The following DTD1 variants were observed in gnomAD, a reference collection of about 807,000 sequenced individuals.
The protein encoded by DTD1 is D-aminoacyl-tRNA deacylase 1.
In DTD1, 13 loss-of-function variants were observed where a neutral mutation model predicts 25.6. The ratio of observed to expected loss-of-function variants is 0.51; its 90% confidence interval spans 0.33 to 0.81. DTD1 has a LOEUF of 0.81. Among genes scored for constraint, DTD1 ranks in the 30% least tolerant of loss-of-function variants. DTD1 has a pLI of 0.02. For synonymous variants in DTD1, 110 were observed against 103.6 expected (o/e 1.06, Z -0.37); for missense variants, 193 against 266.4 (o/e 0.72, Z 1.92).
intron 4 of DTD1, among the ~76,000 whole-genome samples, chr20:18,701,977 T>C (rs1225987158): frequency 6.6e-6 from 1 of 152,254 alleles, no homozygotes; most frequent in Non-Finnish European, 1.5e-5. Context: ...GTGCGATGCC[T>C]GAGGTCCATT....
intron 5 of DTD1, among the ~76,000 whole-genome samples, chr20:18,757,817 T>C (rs1030403363): frequency 6.6e-6 from 1 of 152,248 alleles, no homozygotes; most frequent in African/African-American, 2.4e-5. Context: ...CCTCTTTTTC[T>C]ATTGATTGGA....
chr20:18,662,333 C>A (rs1600350733), intron 4 of DTD1, among the ~76,000 whole-genome samples: 1 of 152,244 alleles, frequency 6.6e-6, no homozygotes, highest in East Asian at 1.9e-4. Context: ...TACAGCCAGG[C>A]TGGTCTTGAA....
At chr20:18,615,786 C>T (rs2060706713) in intron 3 of DTD1, among the ~76,000 whole-genome samples, 1 of 152,158 alleles carries the variant, frequency 6.6e-6, no homozygotes, top group African/African-American at 2.4e-5. Flanking sequence ...GAAATGTGGA[C>T]AGACACGTCA....
At chr20:18,589,098 C>T (rs1204904059) in intron 1 of DTD1, among the ~76,000 whole-genome samples, 2 of 152,168 alleles carry the variant, frequency 1.3e-5, no homozygotes, top group South Asian at 2.1e-4. Context: ...CACCTGTAAT[C>T]CCAGCTCTTT....
chr20:18,695,184 G>A lies in DTD1; in HGVS notation c.478-48916G>A, dbSNP rs1443955465. ...TTTCCCTTGTGCAAGTGTCAGCAACGATTCACACATAGAGCTGGAGTGGGC... is the reference window on the plus strand; with the variant it reads ...TTTCCCTTGTGCAAGTGTCAGCAACAATTCACACATAGAGCTGGAGTGGGC... On this transcript the variant is annotated intron_variant, in intron 4 of 5. Coordinates refer to ENST00000377452, the MANE Select transcript of DTD1 (RefSeq NM_080820.6). Among the ~76,000 whole-genome samples the A allele has an allele frequency of 2.0e-5, 3 of 152,134 alleles. No individual in the cohort carries two copies. The South Asian group carries it at 6.2e-4, about 32-fold the overall frequency.
At chr20:18,615,575 G>A (rs1291176292) in intron 3 of DTD1, among the ~76,000 whole-genome samples, 10 of 152,154 alleles carry the variant, frequency 6.6e-5, no homozygotes, top group Admixed American at 6.6e-4. Flanking sequence ...AAAAAAACAA[G>A]TTATACCAAA....
At chr20:18,620,780 G>T (rs1338402173) in intron 3 of DTD1, among the ~76,000 whole-genome samples, 5 of 151,848 alleles carry the variant, frequency 3.3e-5, no homozygotes, top group Non-Finnish European at 7.4e-5. Context: ...TTTTTAAGAG[G>T]TAGAATATTG....
At chr20:18,649,615 T>C (rs996699732) in intron 4 of DTD1, among the ~76,000 whole-genome samples, 1 of 152,228 alleles carries the variant, frequency 6.6e-6, no homozygotes, top group South Asian at 2.1e-4. Flanking sequence ...TCATCTTTCT[T>C]AGAACACCAT....
chr20:18,596,325 C>G (rs533829805), intron 3 of DTD1, 84 bp downstream of exon 3: 13 of 1,143,786 alleles, frequency 1.1e-5, no homozygotes, highest in Non-Finnish European at 1.6e-5. Context: ...TGCAGCATCT[C>G]CTTTTCTGGA....
intron 1 of DTD1, chr20:18,588,603 A>G (rs1162268618): frequency 2.8e-6 from 1 of 358,262 alleles, no homozygotes; most frequent in Admixed American, 6.5e-5. Flanking sequence ...ACAGATGCGG[A>G]GAGTTGCTCC....
intron 3 of DTD1, among the ~76,000 whole-genome samples, chr20:18,614,364 C>T (rs918112969): frequency 6.6e-6 from 1 of 152,182 alleles, no homozygotes; most frequent in Non-Finnish European, 1.5e-5. Flanking sequence ...AAAATGCACT[C>T]CTCTTTGCAT....
intron 4 of DTD1, among the ~76,000 whole-genome samples, chr20:18,704,565 G>C (rs1270767584): frequency 6.6e-6 from 1 of 152,144 alleles, no homozygotes; most frequent in Non-Finnish European, 1.5e-5. Flanking sequence ...TGTTGTCACT[G>C]TTGTTTTTAA....
intron 4 of DTD1, among the ~76,000 whole-genome samples, chr20:18,708,223 A>AG (rs1568676609): frequency 1.2e-3 from 8 of 6,606 alleles, no homozygotes; most frequent in African/African-American, 2.8e-3. Context: ...TATATAATAT[A>AG]TATATATTTT....
chr20:18,676,323 T>C (rs746008169), intron 4 of DTD1, among the ~76,000 whole-genome samples: 1 of 152,200 alleles, frequency 6.6e-6, no homozygotes, highest in Non-Finnish European at 1.5e-5. Context: ...TCATTGTGAA[T>C]GTTTGCCAAT....
Position 18,667,974 on chromosome 20 carries a change from G to A in DTD1, c.477+39741G>A, listed in dbSNP as rs186169631. ...TGCTTATACGTGCGAAGGTGCCCAG[G>A]GCAGTCGTTAAACTGTCTGCACATG... On this transcript the variant is annotated intron_variant, in intron 4 of 5. Transcript: ENST00000377452. Among the ~76,000 whole-genome samples the A allele has an allele frequency of 1.1e-3, 161 of 152,274 alleles. 4 individuals carry two copies. The East Asian group carries it at 0.022, about 21-fold the overall frequency.
At chr20:18,761,686 A>G (rs774526733) in intron 5 of DTD1, among the ~76,000 whole-genome samples, 3 of 152,250 alleles carry the variant, frequency 2.0e-5, no homozygotes, top group Non-Finnish European at 2.9e-5. Flanking sequence ...GCTCATCTTA[A>G]GTTCAAAAAC....
At chr20:18,726,782 A>G (rs971537397) in intron 4 of DTD1, among the ~76,000 whole-genome samples, 1 of 152,152 alleles carries the variant, frequency 6.6e-6, no homozygotes, top group African/African-American at 2.4e-5. Context: ...CTTCCCCGTT[A>G]TGGTAATTAA....
intron 4 of DTD1, 62 bp from the exon 5 acceptor site, chr20:18,744,038 G>T: frequency 6.6e-7 from 1 of 1,516,570 alleles, no homozygotes; most frequent in Non-Finnish European, 8.8e-7. Context: ...TCACTGGTGT[G>T]TGGGATACAC....
intron 4 of DTD1, among the ~76,000 whole-genome samples, chr20:18,654,288 C>T (rs2060884316): frequency 6.6e-6 from 1 of 152,210 alleles, no homozygotes; most frequent in Admixed American, 6.5e-5. Flanking sequence ...AGTTCCCCTG[C>T]ACATGTTGTC....
Sources: gnomAD v4.1 joint callset for allele counts (sites outside exome capture counted in the v4.1 genomes callset) on GRCh38, gnomAD v4.1.1 for gene constraint, MANE v1.5 for transcripts, NCBI Gene and HGNC (gene_info 2026-07-23, HGNC 2026-07-21) for gene names.